VBP1: variants seen among roughly 807,000 people sequenced by gnomAD.
The protein encoded by VBP1 is prefoldin subunit 3.
VBP1 carries 4 observed loss-of-function variants against 15.5 expected under a neutral mutation model. The ratio of observed to expected loss-of-function variants is 0.26; its 90% CI spans 0.13 to 0.59. VBP1 has a LOEUF of 0.59. Ranked by LOEUF, VBP1 falls within the 20% of genes least tolerant of loss-of-function variation. VBP1 has a pLI of 0.90. For missense variants in VBP1, 108 were observed against 139.6 expected (o/e 0.77, Z 1.14); for synonymous variants, 61 against 52.1 (o/e 1.17, Z -0.74).
intron 2 of VBP1, among the ~76,000 whole-genome samples, chrX:155,221,022 T>C (rs1440069275): frequency 3.7e-5 from 4 of 107,861 alleles, no homozygotes; most frequent in Non-Finnish European, 7.7e-5. Context: ...GAGACCCCCG[T>C]CTCTACAAAT....
Position 155,239,143 on chromosome X carries a change from A to AC in VBP1, c.*302dup, listed in dbSNP as rs2074787963. 1 of 179,460 alleles carries AC rather than the reference A, an allele frequency of 5.6e-6. No homozygotes were observed. The highest frequency in any genetic ancestry group is 3.0e-5 in the African/African-American group (1 of 32,886). The allele number at this position is 179,460 out of a possible 1,213,427, so 14.8% of individuals were successfully genotyped here. A position where few individuals can be genotyped will look rare whatever the true frequency, so the allele number is the denominator to read the frequency against. On this transcript the variant is annotated 3_prime_UTR_variant, in exon 6 of 6. Transcript: ENST00000286428. The stretch of plus-strand genomic sequence containing the variant: ...ACATGCTATGGAAGCTGAATGCCGG[A>AC]CGCTAGCACAGTTTACTTTTTCCCT...
At chrX:155,204,254 G>A (rs1334922008) in intron 1 of VBP1, among the ~76,000 whole-genome samples, 1 of 111,265 alleles carries the variant, frequency 9.0e-6, no homozygotes, top group Admixed American at 9.6e-5. Flanking sequence ...CCGGGTTCAA[G>A]CGATTCTCTT....
intron 1 of VBP1, among the ~76,000 whole-genome samples, chrX:155,201,431 C>A (rs1318527979): frequency 1.0e-5 from 1 of 97,776 alleles, no homozygotes; most frequent in African/African-American, 4.0e-5. Context: ...TGGGCTTCAT[C>A]CCTGGGATGC....
chrX:155,203,217 C>G (rs1174494625), intron 1 of VBP1, among the ~76,000 whole-genome samples: 2 of 111,049 alleles, frequency 1.8e-5, no homozygotes, highest in African/African-American at 6.6e-5. Context: ...CCTCAGGGAT[C>G]TAGAACTAGA....
chrX:155,217,565 A>T (rs1557309173), intron 1 of VBP1, among the ~76,000 whole-genome samples: 1 of 111,690 alleles, frequency 9.0e-6, no homozygotes, highest in Non-Finnish European at 1.9e-5. Context: ...TCATTTATTT[A>T]TACCACACTT....
At chrX:155,216,454 G>A (rs1557309010), upstream of VBP1, 2 of 1,163,594 alleles carry the variant, frequency 1.7e-6, no homozygotes, top group Admixed American at 2.6e-5. Context: ...CGGCGGCCCG[G>A]GAGGCAGTCG....
intron 1 of VBP1, among the ~76,000 whole-genome samples, chrX:155,198,633 A>C (rs1557306973): frequency 9.0e-6 from 1 of 110,736 alleles, no homozygotes; most frequent in Non-Finnish European, 1.9e-5. Context: ...AAAGACCAAA[A>C]GTAGATAAAA....
chrX:155,206,406 T>A (rs1177835359), intron 1 of VBP1, among the ~76,000 whole-genome samples: 1 of 110,246 alleles, frequency 9.1e-6, no homozygotes, highest in African/African-American at 3.3e-5. Context: ...GCTAATTTTT[T>A]AATATTTTTA....
At chrX:155,210,811 G>T (rs2074642466) in intron 2 of VBP1, among the ~76,000 whole-genome samples, 1 of 112,199 alleles carries the variant, frequency 8.9e-6, no homozygotes, top group South Asian at 3.7e-4. Flanking sequence ...AGCAATGGTT[G>T]CCTATGATTC....
chrX:155,227,492 G>A (rs1487944652), intron 3 of VBP1, among the ~76,000 whole-genome samples, 191 bp downstream of exon 3: 3 of 112,479 alleles, frequency 2.7e-5, no homozygotes, highest in African/African-American at 9.7e-5. Context: ...CAAAAGTCAA[G>A]TTTAATTCTA....
chrX:155,233,629 G>C (rs1165460967), intron 4 of VBP1, among the ~76,000 whole-genome samples: 2 of 111,991 alleles, frequency 1.8e-5, no homozygotes, highest in Non-Finnish European at 3.8e-5. Context: ...ATAGAAGTCA[G>C]TCACAAAAGA....
At chrX:155,228,544 C>G in intron 4 of VBP1, 62 bp downstream of exon 4, 2 of 954,021 alleles carry the variant, frequency 2.1e-6, no homozygotes, top group East Asian at 6.3e-5. Context: ...CTGTAGCAAA[C>G]ACACTGGTTT....
chrX:155,221,009 A>G (rs1569560918), intron 2 of VBP1, among the ~76,000 whole-genome samples: 1 of 108,926 alleles, frequency 9.2e-6, no homozygotes, highest in East Asian at 2.9e-4. Context: ...TGGGCAACAT[A>G]GGGAGACCCC....
intron 1 of VBP1, chrX:155,208,822 C>G: frequency 8.9e-6 from 7 of 790,032 alleles, no homozygotes; most frequent in Non-Finnish European, 1.3e-5. Context: ...ATTAGGAGAG[C>G]AATTAAATAC....
In VBP1 at chrX:155,238,898, T is replaced by A. The variant is rs1385597891; in HGVS notation, c.*56T>A. On this transcript the variant is annotated 3_prime_UTR_variant, in exon 6 of 6. Coordinates refer to ENST00000286428, the MANE Select transcript of VBP1 (RefSeq NM_003372.7). ...CCAAACATGTTATCTTAAATACCCCTTTATCCTTACAGGTTGACATAACTT... is the reference window on the plus strand; with the variant it reads ...CCAAACATGTTATCTTAAATACCCCATTATCCTTACAGGTTGACATAACTT... 14 of 956,729 alleles carry A rather than the reference T, an allele frequency of 1.5e-5. No homozygotes were observed. Among genetic ancestry groups the A allele is most frequent in the Non-Finnish European group, 2.0e-5 (14 of 698,738 alleles). The allele number at this position is 956,729 out of a possible 1,213,427, so 78.8% of individuals were successfully genotyped here. A position where few individuals can be genotyped will look rare whatever the true frequency, so the allele number is the denominator to read the frequency against.
intron 1 of VBP1, among the ~76,000 whole-genome samples, chrX:155,207,695 CTATA>C (rs199727751): frequency 0.02 from 2,251 of 111,687 alleles, 30 homozygotes; most frequent in South Asian, 0.036. Context: ...CTCATCCATT[CTATA>C]TATATGTGGG....
chrX:155,232,234 T>C (rs948888236), intron 4 of VBP1, among the ~76,000 whole-genome samples: 15 of 109,932 alleles, frequency 1.4e-4, no homozygotes, highest in African/African-American at 4.3e-4. Flanking sequence ...TTTTCTTTTT[T>C]TTTTTGATAG....
intron 2 of VBP1, among the ~76,000 whole-genome samples, chrX:155,210,003 C>T (rs1023153412): frequency 8.1e-5 from 9 of 111,499 alleles, no homozygotes; most frequent in African/African-American, 2.3e-4. Context: ...GTAAAATAAA[C>T]GTTTACTTGG....
At chrX:155,233,628 A>T (rs1557311159) in intron 4 of VBP1, among the ~76,000 whole-genome samples, 1 of 112,118 alleles carries the variant, frequency 8.9e-6, no homozygotes, top group African/African-American at 3.2e-5. Flanking sequence ...TATAGAAGTC[A>T]GTCACAAAAG....
Sources: gnomAD v4.1 joint callset for allele counts (sites outside exome capture counted in the v4.1 genomes callset) on GRCh38, gnomAD v4.1.1 for gene constraint, MANE v1.5 for transcripts, NCBI Gene and HGNC (gene_info 2026-07-23, HGNC 2026-07-21) for gene names.